ZNF385D: variants seen among roughly 807,000 people sequenced by gnomAD.
The protein encoded by ZNF385D is zinc finger protein 385D.
In ZNF385D, 15 loss-of-function variants were observed where a neutral mutation model predicts 35.8. The ratio of observed to expected loss-of-function variants is 0.42; its 90% CI spans 0.28 to 0.64. The LOEUF is 0.64. ZNF385D is among the 30% of genes least tolerant of loss of function. The pLI is 0.23. For synonymous variants in ZNF385D, 212 were observed against 186.8 expected, an observed-to-expected ratio of 1.13 and a Z score of -1.10; for missense variants, 474 against 494.6, an observed-to-expected ratio of 0.96 and a Z score of 0.39.
chr3:21,824,015 T>A (rs1005557906), intron 3 of ZNF385D, among the ~76,000 whole-genome samples: 1 of 152,206 alleles, frequency 6.6e-6, no homozygotes, highest in Non-Finnish European at 1.5e-5. Context: ...AAGAAAAGTA[T>A]TTTGGGTATA....
chr3:22,329,008 C>A (rs897710488), intron 2 of ZNF385D, among the ~76,000 whole-genome samples: 19 of 132,174 alleles, frequency 1.4e-4, no homozygotes, highest in African/African-American at 4.6e-4. Flanking sequence ...ACCCGGGAGG[C>A]GGAGCTTGCA....
intron 3 of ZNF385D, among the ~76,000 whole-genome samples, chr3:21,759,000 A>AAAAAAAAAAAAAAC (rs2070479206): frequency 6.7e-6 from 1 of 149,490 alleles, no homozygotes; most frequent in African/African-American, 2.5e-5. Flanking sequence ...AAAAAAAAAA[A>AAAAAAAAAAAAAAC]AAAAAACAGT....
intron 4 of ZNF385D, among the ~76,000 whole-genome samples, chr3:21,454,012 A>C (rs1048153472): frequency 6.6e-6 from 1 of 152,134 alleles, no homozygotes; most frequent in African/African-American, 2.4e-5. Flanking sequence ...TATATATTCA[A>C]TCATATAAAG....
chr3:22,322,668 A>G (rs1218313279), intron 2 of ZNF385D, among the ~76,000 whole-genome samples: 1 of 152,190 alleles, frequency 6.6e-6, no homozygotes, highest in Admixed American at 6.5e-5. Flanking sequence ...ACTGAATATC[A>G]TTATTTACAT....
At chr3:22,156,784 A>G (rs1285115356) in intron 3 of ZNF385D, among the ~76,000 whole-genome samples, 2 of 152,094 alleles carry the variant, frequency 1.3e-5, no homozygotes, top group Non-Finnish European at 2.9e-5. Context: ...GACCGAACGC[A>G]TACCAGGGAA....
chr3:22,004,177 A>C (rs1329335460), intron 3 of ZNF385D, among the ~76,000 whole-genome samples: 1 of 152,188 alleles, frequency 6.6e-6, no homozygotes, highest in African/African-American at 2.4e-5. Context: ...TGACAAAGGC[A>C]CTAAGAATAC....
intron 3 of ZNF385D, among the ~76,000 whole-genome samples, chr3:22,108,738 T>G (rs528226857): frequency 1.3e-5 from 2 of 152,258 alleles, no homozygotes; most frequent in South Asian, 4.2e-4. Context: ...GCAGGCTAGG[T>G]GCAGTGGCTC....
At chr3:22,302,929 C>G (rs1702985428) in intron 2 of ZNF385D, among the ~76,000 whole-genome samples, 1 of 151,888 alleles carries the variant, frequency 6.6e-6, no homozygotes, top group Non-Finnish European at 1.5e-5. Flanking sequence ...GAGTTTTCAT[C>G]TGTTCTTAGT....
chr3:22,022,601 A>T (rs1309542698), intron 3 of ZNF385D, among the ~76,000 whole-genome samples: 1 of 152,158 alleles, frequency 6.6e-6, no homozygotes, highest in East Asian at 1.9e-4. Flanking sequence ...CAGCATGTCC[A>T]CTGTGATAGC....
At chr3:22,281,155 T>C (rs1023002906) in intron 2 of ZNF385D, among the ~76,000 whole-genome samples, 1 of 152,084 alleles carries the variant, frequency 6.6e-6, no homozygotes, top group Admixed American at 6.6e-5. Flanking sequence ...TAGGGTTTTC[T>C]AGGTATATGA....
chr3:21,897,621 A>G (rs1174214857), intron 3 of ZNF385D, among the ~76,000 whole-genome samples: 4 of 152,160 alleles, frequency 2.6e-5, no homozygotes, highest in Non-Finnish European at 5.9e-5. Flanking sequence ...AGGAGAAACA[A>G]ACATCAAACA....
chr3:21,928,312 GGAGGGAGGAAGGAAGGAA>G (rs1559762812), intron 3 of ZNF385D, among the ~76,000 whole-genome samples: 1 of 147,176 alleles, frequency 6.8e-6, no homozygotes, highest in East Asian at 2.0e-4. Context: ...AAGGAAGGTA[GGAGGGAGGAAGGAAGGAA>G]GGAGGGAGGG....
intron 3 of ZNF385D, among the ~76,000 whole-genome samples, chr3:22,134,718 T>G (rs1409634577): frequency 6.6e-6 from 1 of 152,196 alleles, no homozygotes; most frequent in Non-Finnish European, 1.5e-5. Context: ...CACTAGAGGC[T>G]GAGAAGTCCA....
At chr3:21,440,372 C>G (rs911014703) in intron 4 of ZNF385D, among the ~76,000 whole-genome samples, 2 of 152,004 alleles carry the variant, frequency 1.3e-5, no homozygotes, top group African/African-American at 2.4e-5. Flanking sequence ...AAACAGAAAA[C>G]AAACCTAAAC....
intron 1 of ZNF385D, among the ~76,000 whole-genome samples, chr3:21,667,923 T>TA (rs1168885031): frequency 1.3e-5 from 2 of 152,102 alleles, no homozygotes; most frequent in South Asian, 2.1e-4. Flanking sequence ...TCCTAGGGGT[T>TA]AAAAAAACCT....
chr3:21,862,958 A>C (rs1697139038), intron 3 of ZNF385D, among the ~76,000 whole-genome samples: 1 of 152,144 alleles, frequency 6.6e-6, no homozygotes, highest in Non-Finnish European at 1.5e-5. Flanking sequence ...ATTTAGTCTG[A>C]AAAGTCCACT....
At chr3:21,618,927 G>T (rs527682648) in intron 2 of ZNF385D, among the ~76,000 whole-genome samples, 50 of 152,166 alleles carry the variant, frequency 3.3e-4, no homozygotes, top group African/African-American at 1.2e-3. Flanking sequence ...TGTTTTTACG[G>T]AACTAGGGGA....
chr3:22,144,595 AAAAAAG>A (rs1269406076), intron 3 of ZNF385D, among the ~76,000 whole-genome samples: 2 of 151,128 alleles, frequency 1.3e-5, no homozygotes, highest in Non-Finnish European at 3.0e-5. Context: ...AAAAAAAAAA[AAAAAAG>A]AACGCCTTTC....
chr3:22,033,299 G>C (rs561286938), intron 3 of ZNF385D, among the ~76,000 whole-genome samples: 1 of 152,014 alleles, frequency 6.6e-6, no homozygotes, highest in Non-Finnish European at 1.5e-5. Context: ...CTACTCTGGA[G>C]GCTGAGGCAT....
Sources: allele counts gnomAD v4.1 joint callset (sites outside exome capture counted in the v4.1 genomes callset), GRCh38; gene constraint gnomAD v4.1.1; transcripts MANE v1.5; gene names NCBI Gene and HGNC (gene_info 2026-07-23, HGNC 2026-07-21).